Variants in RUNX2 observed in about 807,000 individuals in gnomAD.
RUNX2 encodes the protein runt-related transcription factor 2.
Under a neutral mutation model 51.7 loss-of-function variants are expected in RUNX2, and 10 were observed. That is an observed-to-expected ratio of 0.19 (90% CI 0.12 to 0.33). The LOEUF is 0.33. Among genes scored for constraint, RUNX2 ranks in the 10% least tolerant of loss-of-function variants. The probability of loss-of-function intolerance (pLI) is 1.00; values close to 1 mark genes in which losing one functional copy is unlikely to be tolerated. For synonymous variants in RUNX2, 276 were observed against 273.6 expected (o/e 1.01, Z -0.09); for missense variants, 562 against 691.3 (o/e 0.81, Z 2.10).
At chr6:45,457,372 C>CG (rs1266727591) in intron 5 of RUNX2, among the ~76,000 whole-genome samples, 1 of 152,024 alleles carries the variant, frequency 6.6e-6, no homozygotes, top group African/African-American at 2.4e-5. Flanking sequence ...TAAGGTAGTT[C>CG]TTTTTTCCTC....
intron 5 of RUNX2, among the ~76,000 whole-genome samples, chr6:45,491,017 G>A (rs1165944026): frequency 6.6e-6 from 1 of 152,136 alleles, no homozygotes; most frequent in African/African-American, 2.4e-5. Context: ...CAAGACACTA[G>A]TATGTCTTTT....
chr6:45,354,605 G>GT (rs1309095833), intron 2 of RUNX2, among the ~76,000 whole-genome samples: 2 of 145,024 alleles, frequency 1.4e-5, no homozygotes, highest in Non-Finnish European at 3.0e-5. Context: ...TATTCAAACA[G>GT]TAACTACACA....
intron 7 of RUNX2, among the ~76,000 whole-genome samples, chr6:45,532,929 G>A (rs6905181): frequency 0.36 from 50,270 of 139,448 alleles, 9,942 homozygotes; most frequent in African/African-American, 0.56. Flanking sequence ...TTTTTTTCAC[G>A]GTCATCAAAA....
chr6:45,416,160 A>G (rs1339105285), intron 2 of RUNX2, among the ~76,000 whole-genome samples: 3 of 152,188 alleles, frequency 2.0e-5, no homozygotes, highest in Non-Finnish European at 4.4e-5. Context: ...AATAACTGGC[A>G]TCCCCTAGGA....
At chr6:45,480,587 A>G (rs1330212273) in intron 5 of RUNX2, among the ~76,000 whole-genome samples, 5 of 152,206 alleles carry the variant, frequency 3.3e-5, no homozygotes, top group East Asian at 3.8e-4. Flanking sequence ...GAAAGCGTTC[A>G]CTGGTTAGAA....
At chr6:45,460,510 T>G (rs574918181) in intron 5 of RUNX2, among the ~76,000 whole-genome samples, 4 of 152,262 alleles carry the variant, frequency 2.6e-5, no homozygotes, top group South Asian at 2.1e-4. Flanking sequence ...GTGAACACAC[T>G]TTCAGGATGT....
chr6:45,544,994 G>C (rs1002522966), intron 7 of RUNX2, among the ~76,000 whole-genome samples: 1 of 152,022 alleles, frequency 6.6e-6, no homozygotes, highest in Non-Finnish European at 1.5e-5. Context: ...TGTCAGTTTT[G>C]GTTCTTCATC....
chr6:45,483,840 T>G (rs1800186480), intron 5 of RUNX2, among the ~76,000 whole-genome samples: 1 of 152,352 alleles, frequency 6.6e-6, no homozygotes, highest in Middle Eastern at 3.4e-3. Flanking sequence ...AGGGTGTATT[T>G]GGACTGTCGA....
intron 2 of RUNX2, among the ~76,000 whole-genome samples, chr6:45,352,660 G>C (rs1032213541): frequency 6.6e-6 from 1 of 152,050 alleles, no homozygotes; most frequent in African/African-American, 2.4e-5. Flanking sequence ...TGGAGCAACT[G>C]TACCTAGTAT....
chr6:45,401,377 C>T (rs1797709880), intron 2 of RUNX2, among the ~76,000 whole-genome samples: 1 of 152,158 alleles, frequency 6.6e-6, no homozygotes, highest in African/African-American at 2.4e-5. Flanking sequence ...TTTAACAATG[C>T]CTTGTTCATA....
At chr6:45,431,798 A>C in intron 3 of RUNX2, 65 bp from the exon 4 acceptor site, 1 of 1,545,456 alleles carries the variant, frequency 6.5e-7, no homozygotes, top group East Asian at 2.2e-5. Context: ...TGCAATGAGA[A>C]TATATTCTGT....
At chr6:45,386,328 A>G (rs1797348075) in intron 2 of RUNX2, among the ~76,000 whole-genome samples, 2 of 152,088 alleles carry the variant, frequency 1.3e-5, no homozygotes, top group Non-Finnish European at 2.9e-5. Context: ...CGGCCTCCCA[A>G]AGTGCTGGGA....
At chr6:45,523,864 G>A (rs892727962) in intron 7 of RUNX2, among the ~76,000 whole-genome samples, 4 of 151,826 alleles carry the variant, frequency 2.6e-5, no homozygotes, top group Non-Finnish European at 5.9e-5. Flanking sequence ...CCCGGGAGGC[G>A]GAGGTTGCAG....
chr6:45,509,416 A>G (rs985087158), intron 6 of RUNX2, among the ~76,000 whole-genome samples: 1 of 152,202 alleles, frequency 6.6e-6, no homozygotes, highest in Non-Finnish European at 1.5e-5. Context: ...ATCCTCACAA[A>G]AACCCTAATA....
At chr6:45,431,334 G>T (rs904478547) in intron 3 of RUNX2, among the ~76,000 whole-genome samples, 1 of 152,174 alleles carries the variant, frequency 6.6e-6, no homozygotes, top group Non-Finnish European at 1.5e-5. Flanking sequence ...CTAGCCCAAA[G>T]TAAGGAGATA....
chr6:45,485,693 G>GTATATATATA (rs1257977356), intron 5 of RUNX2, among the ~76,000 whole-genome samples: 43 of 101,860 alleles, frequency 4.2e-4, no homozygotes, highest in African/African-American at 1.6e-3. Context: ...GTGTGTGTGT[G>GTATATATATA]TGTGTATATA....
chr6:45,438,193 G>A (rs1798744414), intron 5 of RUNX2, 142 bp downstream of exon 5: 8 of 639,890 alleles, frequency 1.3e-5, no homozygotes, highest in Non-Finnish European at 2.0e-5. Context: ...TTTTTAGTGA[G>A]GGAGAGTTAG....
chr6:45,494,120 G>A (rs1800569339), intron 6 of RUNX2, among the ~76,000 whole-genome samples: 1 of 152,198 alleles, frequency 6.6e-6, no homozygotes, highest in African/African-American at 2.4e-5. Context: ...AAATTGTGAA[G>A]AGGATCTGTG....
At chr6:45,475,212 A>G (rs779613336) in intron 5 of RUNX2, among the ~76,000 whole-genome samples, 93 of 152,272 alleles carry the variant, frequency 6.1e-4, no homozygotes, top group Non-Finnish European at 1.2e-3. Flanking sequence ...AAAGTGATAG[A>G]ACATGAGAAA....
Sources: allele counts gnomAD v4.1 joint callset (sites outside exome capture counted in the v4.1 genomes callset), GRCh38; gene constraint gnomAD v4.1.1; transcripts MANE v1.5; gene names NCBI Gene and HGNC (gene_info 2026-07-23, HGNC 2026-07-21).